The following BMP6 variants were observed in gnomAD, a reference collection of about 807,000 sequenced individuals.
BMP6 encodes VG-1-R.
Under a neutral mutation model 54.1 loss-of-function variants are expected in BMP6, and 17 were observed. The observed-to-expected ratio is 0.31, with a 90% CI of 0.22 to 0.47. The LOEUF (loss-of-function observed/expected upper bound fraction) is 0.47, where lower values mean the gene tolerates loss of function less well. Among genes scored for constraint, BMP6 ranks in the 20% least tolerant of loss-of-function variants. BMP6 has a pLI of 1.00. For missense variants in BMP6, 720 were observed against 690.4 expected, an observed-to-expected ratio of 1.04 and a Z score of -0.48; for synonymous variants, 328 against 291.2, an observed-to-expected ratio of 1.13 and a Z score of -1.28.
intron 1 of BMP6, among the ~76,000 whole-genome samples, chr6:7,829,646 C>T (rs1421493413): frequency 6.6e-6 from 1 of 152,198 alleles, no homozygotes; most frequent in Non-Finnish European, 1.5e-5. Flanking sequence ...GTCGAGGCTG[C>T]AGTGATCTGT....
intron 1 of BMP6, among the ~76,000 whole-genome samples, chr6:7,820,280 T>C (rs1758586430): frequency 6.6e-6 from 1 of 152,192 alleles, no homozygotes; most frequent in Admixed American, 6.5e-5. Flanking sequence ...TGAGATTGCT[T>C]TGGGTATTGC....
intron 1 of BMP6, among the ~76,000 whole-genome samples, chr6:7,775,286 C>T (rs1757846440): frequency 6.6e-6 from 1 of 152,150 alleles, no homozygotes; most frequent in Non-Finnish European, 1.5e-5. Flanking sequence ...CTGGAGATCT[C>T]TAGGATATAT....
At position 7,862,320 on chromosome 6, in the gene BMP6, A is replaced by T. The variant is rs1371347948; in HGVS notation, c.1026A>T (p.Arg342=). ...VTRDGVHVHP[R]AAGLVGRDGP... is the part of the protein sequence containing the mutation. ...TTAAAGGAGTCCACGTCCACCCCCG[A>T]GCCGCAGGCCTGGTGGGCAGAGACG... Residue 342 remains arginine, a synonymous_variant, in exon 4 of 7, where the codon CGA becomes CGT. Transcript: ENST00000283147. 1.2e-6 allele frequency: 2 copies of T among 1,614,082 alleles called. No homozygotes were observed. The highest frequency in any genetic ancestry group is 4.5e-5 in the East Asian group (2 of 44,894).
chr6:7,858,287 G>A (rs1469295951), intron 2 of BMP6, among the ~76,000 whole-genome samples: 1 of 152,046 alleles, frequency 6.6e-6, no homozygotes, highest in Non-Finnish European at 1.5e-5. Context: ...GTTTCGCCAT[G>A]TTTCCCAGGC....
intron 1 of BMP6, among the ~76,000 whole-genome samples, chr6:7,825,447 G>A (rs569611841): frequency 6.2e-4 from 94 of 152,228 alleles, no homozygotes; most frequent in African/African-American, 2.1e-3. Context: ...TAGGCCAGGC[G>A]TGGTGGATCA....
At position 7,845,299 on chromosome 6, in the gene BMP6, G is replaced by C; in HGVS notation, c.824G>C (p.Ser275Thr). Residue 275 changes from serine to threonine, a missense_variant, in exon 2 of 7, where the codon AGC becomes ACC. By Grantham distance (58) the Ser-to-Thr change is moderately conservative. Around this residue, in one of 3 missense-constraint regions of BMP6, gnomAD observed 650 missense variants for 556.3 expected, o/e 1.17. Coordinates refer to ENST00000283147, the MANE Select transcript of BMP6 (RefSeq NM_001718.6). ...GSFKNQTFLI[S>T]IYQVLQEHQH... ...TTTAAAAACCAAACTTTTCTTATCA[G>C]CATTTATCAAGTCTTACAGGAGCAT... 1 of 1,614,044 alleles carries C rather than the reference G, an allele frequency of 6.2e-7. No individual in the cohort carries two copies. The highest frequency in any genetic ancestry group is 8.5e-7 in the Non-Finnish European group (1 of 1,179,974).
chr6:7,753,479 T>C (rs1757457004), intron 1 of BMP6, among the ~76,000 whole-genome samples: 1 of 152,200 alleles, frequency 6.6e-6, no homozygotes, highest in African/African-American at 2.4e-5. Flanking sequence ...AGGTGATTCA[T>C]AGGCACAGTA....
At chr6:7,733,009 C>T (rs568063213) in intron 1 of BMP6, among the ~76,000 whole-genome samples, 183 of 152,112 alleles carry the variant, frequency 1.2e-3, no homozygotes, top group African/African-American at 4.3e-3. Flanking sequence ...ATCAATTCTC[C>T]TGTGTCAGCC....
In BMP6 at chr6:7,759,358, G is replaced by A. The variant is rs111917755; in HGVS notation, c.664+31739G>A. Among the ~76,000 whole-genome samples, 461 of 152,220 alleles carry A rather than the reference G, an allele frequency of 3.0e-3. 6 individuals are homozygous for A. The highest frequency in any genetic ancestry group is 0.01 in the African/African-American group (435 of 41,516). The stretch of plus-strand genomic sequence containing the variant: ...GCACATGAGTAGATAAAAAATGCAA[G>A]CAATGTTGTTGAAAGTTAGAACTCA... On this transcript the variant is annotated intron_variant, in intron 1 of 6. Coordinates refer to ENST00000283147, the MANE Select transcript of BMP6 (RefSeq NM_001718.6).
At chr6:7,861,106 T>G (rs1324849609) in intron 2 of BMP6, among the ~76,000 whole-genome samples, 1 of 151,552 alleles carries the variant, frequency 6.6e-6, no homozygotes. Context: ...AATAAAAAAG[T>G]TTTTTAAAAA....
chr6:7,774,728 C>T (rs1452206060), intron 1 of BMP6, among the ~76,000 whole-genome samples: 1 of 152,226 alleles, frequency 6.6e-6, no homozygotes, highest in Non-Finnish European at 1.5e-5. Flanking sequence ...CAACACAATA[C>T]ATTTTCCTGG....
intron 1 of BMP6, among the ~76,000 whole-genome samples, chr6:7,762,086 T>C (rs1757621826): frequency 6.6e-6 from 1 of 152,044 alleles, no homozygotes; most frequent in African/African-American, 2.4e-5. Flanking sequence ...CATGTCTGGC[T>C]AATTTTTGTA....
At chr6:7,843,334 T>A (rs1759007085) in intron 1 of BMP6, among the ~76,000 whole-genome samples, 1 of 151,982 alleles carries the variant, frequency 6.6e-6, no homozygotes, top group African/African-American at 2.4e-5. Flanking sequence ...TCAGAAATTC[T>A]TTTTAAAAAA....
intron 3 of BMP6, among the ~76,000 whole-genome samples, 192 bp downstream of exon 3, chr6:7,861,791 A>G (rs1341411529): frequency 6.6e-6 from 1 of 152,170 alleles, no homozygotes; most frequent in Non-Finnish European, 1.5e-5. Flanking sequence ...GGAATTGAAA[A>G]CAGGCTTGGG....
At chr6:7,774,450 T>G (rs1034188285) in intron 1 of BMP6, among the ~76,000 whole-genome samples, 2 of 152,228 alleles carry the variant, frequency 1.3e-5, no homozygotes, top group Non-Finnish European at 2.9e-5. Flanking sequence ...CTCAGAAGGC[T>G]GAGGCAGGAG....
At chr6:7,874,304 A>G (rs1316417879) in intron 4 of BMP6, among the ~76,000 whole-genome samples, 2 of 152,174 alleles carry the variant, frequency 1.3e-5, no homozygotes, top group Non-Finnish European at 2.9e-5. Flanking sequence ...GTTGCTAATA[A>G]ACACATCACA....
In BMP6 at chr6:7,862,333, G is replaced by C; in HGVS notation, c.1039G>C (p.Val347Leu). The part of the protein sequence containing the change: ...VHVHPRAAGL[V>L]GRDGPYDKQP... ...CGTCCACCCCCGAGCCGCAGGCCTG[G>C]TGGGCAGAGACGGCCCTTACGACAA... The change falls in exon 4 of 7, where the codon GTG becomes CTG. Residue 347 changes from valine (V) to leucine (L), a missense_variant. Transcript: ENST00000283147. The C allele has an allele frequency of 6.2e-7, 1 of 1,614,222 alleles. No homozygotes were observed. Among genetic ancestry groups the C allele is most frequent in the Non-Finnish European group, 8.5e-7 (1 of 1,180,028 alleles).
chr6:7,815,289 A>T (rs1758508373), intron 1 of BMP6, among the ~76,000 whole-genome samples: 1 of 152,210 alleles, frequency 6.6e-6, no homozygotes, highest in Non-Finnish European at 1.5e-5. Context: ...GATGTGCCGC[A>T]ACTGCCTCTA....
chr6:7,829,696 A>T (rs1466880518), intron 1 of BMP6, among the ~76,000 whole-genome samples: 2 of 152,116 alleles, frequency 1.3e-5, no homozygotes, highest in East Asian at 3.9e-4. Flanking sequence ...ACAGAGGGAG[A>T]CACTGTCTCA....
Sources: allele counts gnomAD v4.1 joint callset (sites outside exome capture counted in the v4.1 genomes callset), GRCh38; gene constraint gnomAD v4.1.1; regional missense constraint gnomAD v4.1.1; transcripts MANE v1.5; gene names NCBI Gene and HGNC (gene_info 2026-07-23, HGNC 2026-07-21).